The following PCDHA9 variants were observed in gnomAD, a reference collection of about 807,000 sequenced individuals.
PCDHA9 encodes the protein protocadherin alpha 9.
A neutral mutation model predicts 62.0 loss-of-function variants in PCDHA9; 62 were observed. The observed-to-expected ratio is 1.00, with a 90% CI of 0.81 to 1.23. The LOEUF (loss-of-function observed/expected upper bound fraction) is 1.23, where lower values mean the gene tolerates loss of function less well. Ranked by LOEUF, PCDHA9 falls within the 50% of genes most tolerant of loss-of-function variation. PCDHA9 has a pLI of 0.00. For synonymous variants in PCDHA9, 557 were observed against 567.6 expected, an observed-to-expected ratio of 0.98 and a Z score of 0.27; for missense variants, 1,205 against 1,249.8, an observed-to-expected ratio of 0.96 and a Z score of 0.54.
At chr5:140,876,883 G>A in intron 1 of PCDHA9, 2 of 1,614,132 alleles carry the variant, frequency 1.2e-6, no homozygotes, top group Non-Finnish European at 1.7e-6. Context: ...CAACCCGCCG[G>A]GCTGCCACAT....
intron 1 of PCDHA9, among the ~76,000 whole-genome samples, chr5:140,902,590 A>G (rs1266008229): frequency 6.6e-6 from 1 of 151,942 alleles, no homozygotes; most frequent in African/African-American, 2.4e-5. Flanking sequence ...TAGTTTTGGG[A>G]AACAGGTCGT....
chr5:140,941,578 G>A (rs1007298745), intron 1 of PCDHA9, among the ~76,000 whole-genome samples: 3 of 151,774 alleles, frequency 2.0e-5, no homozygotes, highest in Non-Finnish European at 4.4e-5. Context: ...GCCTCCCAAA[G>A]TGCTGGGATT....
At chr5:140,965,066 G>A (rs931765352) in intron 1 of PCDHA9, among the ~76,000 whole-genome samples, 3 of 152,164 alleles carry the variant, frequency 2.0e-5, no homozygotes, top group Non-Finnish European at 4.4e-5. Flanking sequence ...CAAATGTCAG[G>A]TCTCACTCTG....
chr5:140,975,964 T>C (rs1554237162), intron 1 of PCDHA9, among the ~76,000 whole-genome samples: 2 of 152,218 alleles, frequency 1.3e-5, no homozygotes, highest in South Asian at 2.1e-4. Flanking sequence ...TCTTCACCAA[T>C]AGAAAGTAAG....
At chr5:140,966,767 A>T in intron 1 of PCDHA9, 1 of 1,484,362 alleles carries the variant, frequency 6.7e-7, no homozygotes, top group South Asian at 1.3e-5. Context: ...GCCAGTGGCT[A>T]TGGAGCAGGC....
At chr5:140,920,632 T>G (rs1054888668) in intron 1 of PCDHA9, among the ~76,000 whole-genome samples, 1 of 152,018 alleles carries the variant, frequency 6.6e-6, no homozygotes, top group South Asian at 2.1e-4. Context: ...GATCACAAGG[T>G]CAAGAGATTG....
At position 140,909,867 on chromosome 5, in the gene PCDHA9, C is replaced by T. The variant is rs544055697; in HGVS notation, c.2394+58978C>T. Among the ~76,000 whole-genome samples the T allele has an allele frequency of 2.8e-4, 43 of 152,282 alleles. 1 individual carries two copies. The highest frequency in any genetic ancestry group is 4.9e-4 in the Non-Finnish European group (33 of 68,020). On this transcript the variant is annotated intron_variant, in intron 1 of 3. Coordinates refer to ENST00000532602, the MANE Select transcript of PCDHA9 (RefSeq NM_031857.2). ...GACGTTTTCGGTCCCCTGGAGTCAA[C>T]GTCAGCTTAGAGACACTGTTCAGTA...
chr5:140,949,277 G>T (rs934497662), intron 1 of PCDHA9, among the ~76,000 whole-genome samples: 2 of 151,734 alleles, frequency 1.3e-5, no homozygotes, highest in African/African-American at 2.4e-5. Context: ...CACTTGAAAA[G>T]AATGTATATT....
chr5:140,966,812 C>T, intron 1 of PCDHA9: 1 of 1,550,798 alleles, frequency 6.4e-7, no homozygotes, highest in East Asian at 2.4e-5. Flanking sequence ...GCATCCACGG[C>T]TCCGGCGGCC....
At chr5:140,941,194 TCTTTCTTCCTTTCTTTCTTCC>T (rs1563183817) in intron 1 of PCDHA9, among the ~76,000 whole-genome samples, 5 of 112,350 alleles carry the variant, frequency 4.5e-5, no homozygotes, top group Admixed American at 9.1e-5. Flanking sequence ...TCTTTTTTTT[TCTTTCTTCCTTTCTTTCTTCC>T]TTTCTTTCTT....
At chr5:140,925,989 G>A (rs2082853255) in intron 1 of PCDHA9, among the ~76,000 whole-genome samples, 1 of 152,212 alleles carries the variant, frequency 6.6e-6, no homozygotes, top group East Asian at 1.9e-4. Context: ...GAGCTCGCTG[G>A]CTCCGCTGCC....
chr5:140,909,210 G>A (rs2074375008), intron 1 of PCDHA9, among the ~76,000 whole-genome samples: 1 of 152,186 alleles, frequency 6.6e-6, no homozygotes, highest in Non-Finnish European at 1.5e-5. Context: ...CCGGAGAGTT[G>A]ATATACCCCT....
intron 3 of PCDHA9, among the ~76,000 whole-genome samples, chr5:141,004,025 A>G (rs191768123): frequency 1.3e-5 from 2 of 152,316 alleles, no homozygotes; most frequent in Non-Finnish European, 2.9e-5. Context: ...AAGAAGAAAC[A>G]TTTCCTTGAT....
intron 1 of PCDHA9, among the ~76,000 whole-genome samples, chr5:140,944,043 T>C (rs2093600641): frequency 6.6e-6 from 1 of 152,080 alleles, no homozygotes; most frequent in African/African-American, 2.4e-5. Flanking sequence ...GAAAACCAGA[T>C]TGGGATACAA....
chr5:140,999,975 A>G (rs952038024), intron 3 of PCDHA9, among the ~76,000 whole-genome samples: 3 of 152,078 alleles, frequency 2.0e-5, no homozygotes, highest in African/African-American at 7.2e-5. Context: ...TAGCAGCTCT[A>G]GCGGCCTCTG....
chr5:140,869,552 C>G lies in PCDHA9; in HGVS notation c.2394+18663C>G, dbSNP rs537127263. ...ATTGCGGAATCTAAGCAATCGGACT[C>G]GCGTTTTCCACTAGAGGGAGCTTCT... On this transcript the variant is annotated intron_variant, in intron 1 of 3. Transcript: ENST00000532602. 12 of 1,614,022 alleles carry G rather than the reference C, an allele frequency of 7.4e-6. No homozygotes were observed. The African/African-American group carries it at 1.5e-4, about 20-fold the overall frequency.
chr5:140,894,670 C>T (rs971891585), intron 1 of PCDHA9, among the ~76,000 whole-genome samples: 2 of 151,580 alleles, frequency 1.3e-5, no homozygotes, highest in African/African-American at 4.8e-5. Flanking sequence ...TTTGTGTATT[C>T]TTGCATAGCT....
chr5:140,849,596 A>G lies in PCDHA9; in HGVS notation c.1101A>G (p.Thr367=). 1 of 1,598,768 alleles carries G rather than the reference A, an allele frequency of 6.3e-7. No individual in the cohort carries two copies. The highest frequency in any genetic ancestry group is 8.6e-7 in the Non-Finnish European group (1 of 1,167,994). Residue 367 remains threonine, a synonymous_variant, in exon 1 of 4, where the codon ACA becomes ACG. Transcript: ENST00000532602. ...TAAAAGAGGACGCACAACTGGGGAC[A>G]GTTATTGCCCTGATTAGTGTGATCG... ...VPVKEDAQLG[T]VIALISVIDL...
intron 3 of PCDHA9, among the ~76,000 whole-genome samples, chr5:141,004,044 T>G (rs2098148933): frequency 6.6e-6 from 1 of 152,234 alleles, no homozygotes; most frequent in African/African-American, 2.4e-5. Context: ...ATTGATCATT[T>G]GCTGATACTG....
Sources: gnomAD v4.1 joint callset for allele counts (sites outside exome capture counted in the v4.1 genomes callset) on GRCh38, gnomAD v4.1.1 for gene constraint, MANE v1.5 for transcripts, NCBI Gene and HGNC (gene_info 2026-07-23, HGNC 2026-07-21) for gene names.